The following UTRN variants were observed in gnomAD, a reference collection of about 807,000 sequenced individuals.
The protein encoded by UTRN is utrophin.
UTRN carries 283 observed loss-of-function variants against 463.9 expected under a neutral mutation model. The observed-to-expected ratio is 0.61, with a 90% CI of 0.55 to 0.67. UTRN has a LOEUF of 0.67. Among genes scored for constraint, UTRN ranks in the 30% least tolerant of loss-of-function variants. UTRN has a pLI of 0.00. For synonymous variants in UTRN, 1,442 were observed against 1,431.5 expected, an observed-to-expected ratio of 1.01 and a Z score of -0.17; for missense variants, 3,922 against 4,084.3, an observed-to-expected ratio of 0.96 and a Z score of 1.08.
intron 57 of UTRN, among the ~76,000 whole-genome samples, chr6:144,756,154 A>G (rs1791966357): frequency 6.6e-6 from 1 of 152,154 alleles, no homozygotes; most frequent in Admixed American, 6.6e-5. Context: ...CTGTATACTT[A>G]TTAGATTATT....
intron 23 of UTRN, among the ~76,000 whole-genome samples, chr6:144,472,738 C>T (rs1043061852): frequency 1.3e-5 from 2 of 150,712 alleles, no homozygotes; most frequent in Non-Finnish European, 2.9e-5. Context: ...GGTATTGGAG[C>T]TCAAAAGCTA....
Position 144,533,144 on chromosome 6 carries a change from G to T in UTRN, c.6117G>T (p.Gly2039=), listed in dbSNP as rs922840999. The change falls in exon 43 of 75, where the codon GGG becomes GGT. Residue 2039 remains glycine, a synonymous_variant. Coordinates refer to ENST00000367545, the MANE Select transcript of UTRN (RefSeq NM_007124.3). ...GTTTTGCAGCACTAAACCGAACTGGGGATGGGATTGTGCAGAAACTCTCCC... is the reference window on the plus strand; with the variant it reads ...GTTTTGCAGCACTAAACCGAACTGGTGATGGGATTGTGCAGAAACTCTCCC... ...QPSFAALNRT[G]DGIVQKLSQA... is the part of the protein sequence containing the mutation. The T allele has an allele frequency of 6.2e-7, 1 of 1,614,062 alleles. No individual in the cohort carries two copies. The highest frequency in any genetic ancestry group is 1.7e-5 in the Admixed American group (1 of 60,002).
At chr6:144,582,959 A>G (rs367951378) in intron 51 of UTRN, among the ~76,000 whole-genome samples, 5 of 152,220 alleles carry the variant, frequency 3.3e-5, no homozygotes, top group African/African-American at 1.2e-4. Context: ...CTGTTCACTA[A>G]TTCACAGAGC....
At chr6:144,817,067 G>A (rs1319669521) in intron 65 of UTRN, among the ~76,000 whole-genome samples, 2 of 152,088 alleles carry the variant, frequency 1.3e-5, no homozygotes, top group East Asian at 1.9e-4. Flanking sequence ...ACATAGTCTT[G>A]TAAAAAGGCT....
chr6:144,414,612 A>C (rs1045598247), intron 3 of UTRN, among the ~76,000 whole-genome samples: 44 of 152,230 alleles, frequency 2.9e-4, no homozygotes, highest in Non-Finnish European at 4.1e-4. Flanking sequence ...AGTAGTATAC[A>C]GTAATGTCCT....
chr6:144,743,838 T>C (rs1790372524), intron 54 of UTRN, among the ~76,000 whole-genome samples: 1 of 152,216 alleles, frequency 6.6e-6, no homozygotes, highest in Non-Finnish European at 1.5e-5. Context: ...CTTTGTCTTC[T>C]TCCTGTTTCT....
chr6:144,490,859 A>C lies in UTRN; in HGVS notation c.4264-70A>C, dbSNP rs1792995437. ...CTTTATGGTACAAATTTTTAGTAGT[A>C]TCTGTTATGCTCATGATGAGAGAGA... On this transcript the variant is annotated intron_variant, in intron 31 of 74. Transcript: ENST00000367545. The C allele has an allele frequency of 2.1e-6, 3 of 1,460,762 alleles. No individual in the cohort carries two copies. The Admixed American group carries it at 7.5e-5, about 36-fold the overall frequency. 90.5% of individuals were successfully genotyped at this position (1,460,762 alleles called of 1,614,324 possible). A position where few individuals can be genotyped will look rare whatever the true frequency, so the allele number is the denominator to read the frequency against.
intron 58 of UTRN, among the ~76,000 whole-genome samples, chr6:144,758,707 A>C (rs1792289135): frequency 6.6e-6 from 1 of 152,126 alleles, no homozygotes; most frequent in Non-Finnish European, 1.5e-5. Context: ...AGAATGATAA[A>C]ATTCTACTTC....
intron 58 of UTRN, among the ~76,000 whole-genome samples, chr6:144,771,094 T>C (rs1379002325): frequency 1.3e-5 from 2 of 152,192 alleles, no homozygotes; most frequent in Non-Finnish European, 2.9e-5. Context: ...TACATCTGTT[T>C]AACAGATATG....
rs752655728 is a variant in UTRN at position 144,510,895 on chromosome 6, T to C, written c.4765-49T>C. On this transcript the variant is annotated intron_variant, in intron 34 of 74. Coordinates refer to ENST00000367545, the MANE Select transcript of UTRN (RefSeq NM_007124.3). ...TAATAATTTAAGGTTGTATATACTT[T>C]TATAATATTCTGAAGCATCAAGTAG... The C allele has an allele frequency of 7.0e-6, 10 of 1,421,786 alleles. No homozygotes were observed. The South Asian group carries it at 1.5e-4, about 22-fold the overall frequency. 88.1% of individuals were successfully genotyped at this position (1,421,786 alleles called of 1,614,324 possible).
Position 144,511,049 on chromosome 6 carries a change from G to A in UTRN, c.4870G>A (p.Glu1624Lys), listed in dbSNP as rs1356299326. The change falls in exon 35 of 75, where the codon GAG becomes AAG. Residue 1624 changes from glutamate to lysine, a missense_variant. Physicochemically the swap from Glu to Lys is moderately conservative, Grantham distance 56. Transcript: ENST00000367545. ...TGAGGGCAGTGAGCCTATTTTAGAA[G>A]AGAGGCTCTGCGTCCTTAACGCTGG... ...LIEGSEPILE[E>K]RLCVLNAGWS... 6.2e-7 allele frequency: 1 copy of A among 1,612,958 alleles called. No homozygotes were observed. The highest frequency in any genetic ancestry group is 8.5e-7 in the Non-Finnish European group (1 of 1,179,324).
chr6:144,300,072 C>A (rs559730409), intron 2 of UTRN, among the ~76,000 whole-genome samples: 1 of 149,276 alleles, frequency 6.7e-6, no homozygotes, highest in African/African-American at 2.5e-5. Context: ...TAAAAACAGC[C>A]CAAAAGTCTT....
At chr6:144,764,787 TTTTAAAAATACATAAAA>T (rs1793090545) in intron 58 of UTRN, among the ~76,000 whole-genome samples, 1 of 152,198 alleles carries the variant, frequency 6.6e-6, no homozygotes, top group South Asian at 2.1e-4. Flanking sequence ...TAATCCCTTC[TTTTAAAAATACATAAAA>T]GAAAGAGATA....
At chr6:144,492,731 A>G (rs1351722337) in intron 32 of UTRN, among the ~76,000 whole-genome samples, 3 of 152,162 alleles carry the variant, frequency 2.0e-5, no homozygotes, top group African/African-American at 7.2e-5. Context: ...GTGAGATAGT[A>G]TCTTATTGTG....
chr6:144,539,531 G>A (rs1797815208), intron 45 of UTRN, 88 bp downstream of exon 45: 1 of 1,409,516 alleles, frequency 7.1e-7, no homozygotes, highest in Non-Finnish European at 9.4e-7. Flanking sequence ...TTACTTTCAA[G>A]TATGTCCAAA....
At position 144,488,854 on chromosome 6, in the gene UTRN, G is replaced by T; in HGVS notation, c.4134+20G>T. The T allele has an allele frequency of 6.4e-7, 1 of 1,574,068 alleles. No homozygotes were observed. On this transcript the variant is annotated intron_variant, in intron 30 of 74. Coordinates refer to ENST00000367545, the MANE Select transcript of UTRN (RefSeq NM_007124.3). ...GCTCAGGTATTGCCGTGCATTTGAGGGCTTTTGAGCTGTAAAGAGAGCTTT... is the reference window on the plus strand; with the variant it reads ...GCTCAGGTATTGCCGTGCATTTGAGTGCTTTTGAGCTGTAAAGAGAGCTTT...
intron 53 of UTRN, among the ~76,000 whole-genome samples, chr6:144,719,332 A>G (rs1786844460): frequency 6.6e-6 from 1 of 152,172 alleles, no homozygotes; most frequent in South Asian, 2.1e-4. Flanking sequence ...TGATCATAGC[A>G]CTTTGGGAGG....
chr6:144,578,155 A>T (rs112739009), intron 51 of UTRN, among the ~76,000 whole-genome samples: 1 of 152,006 alleles, frequency 6.6e-6, no homozygotes, highest in Non-Finnish European at 1.5e-5. Flanking sequence ...GTCAGCCAAG[A>T]TCGCACTACT....
intron 2 of UTRN, among the ~76,000 whole-genome samples, chr6:144,349,331 G>A (rs1357350957): frequency 6.6e-6 from 1 of 152,182 alleles, no homozygotes; most frequent in Admixed American, 6.5e-5. Flanking sequence ...TAAGGGATGA[G>A]ACTTGGCCCT....
Sources: allele counts gnomAD v4.1 joint callset (sites outside exome capture counted in the v4.1 genomes callset), GRCh38; gene constraint gnomAD v4.1.1; transcripts MANE v1.5; gene names NCBI Gene and HGNC (gene_info 2026-07-23, HGNC 2026-07-21).